OPCML: variants seen among roughly 807,000 people sequenced by gnomAD.
OPCML encodes opioid binding protein/cell adhesion molecule like.
A neutral mutation model predicts 37.8 loss-of-function variants in OPCML; 13 were observed. That is an observed-to-expected ratio of 0.34 (90% CI 0.22 to 0.55). OPCML has a LOEUF of 0.55. OPCML is among the 20% of genes least tolerant of loss of function. The pLI is 0.91. For missense variants in OPCML, 341 were observed against 435.6 expected (o/e 0.78, Z 1.93); for synonymous variants, 176 against 168.8 (o/e 1.04, Z -0.33).
intron 1 of OPCML, among the ~76,000 whole-genome samples, chr11:133,233,948 T>G (rs1285185810): frequency 2.0e-5 from 3 of 151,840 alleles, no homozygotes; most frequent in Admixed American, 1.3e-4. Flanking sequence ...AGCTCCAGAG[T>G]AACACCAGGC....
intron 1 of OPCML, among the ~76,000 whole-genome samples, chr11:132,950,907 C>G (rs1440964406): frequency 2.6e-5 from 4 of 152,158 alleles, no homozygotes; most frequent in African/African-American, 9.7e-5. Flanking sequence ...TTTAAGAAAA[C>G]AGGAAAACGC....
chr11:133,418,729 T>G (rs1398817007), intron 1 of OPCML, among the ~76,000 whole-genome samples: 1 of 152,192 alleles, frequency 6.6e-6, no homozygotes, highest in Non-Finnish European at 1.5e-5. Context: ...TTTAGAGTTA[T>G]GAGAGGGGCA....
At chr11:132,654,324 G>A (rs751924714) in intron 3 of OPCML, among the ~76,000 whole-genome samples, 28 of 151,868 alleles carry the variant, frequency 1.8e-4, no homozygotes, top group Non-Finnish European at 3.1e-4. Context: ...ATGTCCTCCC[G>A]AAGAGAAGAT....
intron 2 of OPCML, among the ~76,000 whole-genome samples, chr11:132,808,452 A>G (rs922318688): frequency 2.0e-5 from 3 of 152,232 alleles, no homozygotes; most frequent in African/African-American, 7.2e-5. Flanking sequence ...CTAAAATGTT[A>G]AAAGCACAGT....
intron 2 of OPCML, among the ~76,000 whole-genome samples, chr11:132,898,967 G>A (rs906100554): frequency 6.6e-6 from 1 of 151,972 alleles, no homozygotes; most frequent in Admixed American, 6.6e-5. Context: ...CTGGATGTAA[G>A]GAAGACTATG....
chr11:133,175,434 A>AC (rs940127838), intron 1 of OPCML, among the ~76,000 whole-genome samples: 1 of 151,138 alleles, frequency 6.6e-6, no homozygotes, highest in African/African-American at 2.4e-5. Flanking sequence ...AGATGTTTAT[A>AC]CCTTACTTAC....
chr11:132,457,764 T>G (rs1357026124), intron 4 of OPCML, among the ~76,000 whole-genome samples: 1 of 152,220 alleles, frequency 6.6e-6, no homozygotes, highest in Non-Finnish European at 1.5e-5. Flanking sequence ...CTGCCTGGTG[T>G]ACGGTCTGCT....
At chr11:132,941,153 G>A (rs950618216) in intron 2 of OPCML, among the ~76,000 whole-genome samples, 2 of 152,012 alleles carry the variant, frequency 1.3e-5, no homozygotes, top group Non-Finnish European at 2.9e-5. Flanking sequence ...CCATTCCCAA[G>A]CCCAGCTGCT....
At chr11:132,615,933 G>A (rs563793003) in intron 3 of OPCML, among the ~76,000 whole-genome samples, 1 of 152,284 alleles carries the variant, frequency 6.6e-6, no homozygotes, top group East Asian at 1.9e-4. Flanking sequence ...CCACAATTGC[G>A]AGATGCATAA....
chr11:132,707,048 C>T (rs1413205140), intron 2 of OPCML, among the ~76,000 whole-genome samples: 1 of 152,156 alleles, frequency 6.6e-6, no homozygotes, highest in Non-Finnish European at 1.5e-5. Context: ...TCATTTTTAA[C>T]CTTACTGTAT....
chr11:132,704,843 G>A (rs1591489670), intron 2 of OPCML, among the ~76,000 whole-genome samples: 1 of 152,138 alleles, frequency 6.6e-6, no homozygotes, highest in Admixed American at 6.5e-5. Flanking sequence ...GCTTTTTATT[G>A]GCTTTAAGCC....
chr11:132,902,123 T>C (rs1213344804), intron 2 of OPCML, among the ~76,000 whole-genome samples: 3 of 152,204 alleles, frequency 2.0e-5, no homozygotes, highest in Non-Finnish European at 4.4e-5. Context: ...TCAGAGGAAA[T>C]GGTCAATAAA....
intron 1 of OPCML, among the ~76,000 whole-genome samples, chr11:133,012,867 T>C (rs56019025): frequency 0.38 from 48,749 of 129,674 alleles, 8,817 homozygotes; most frequent in South Asian, 0.5. Context: ...TGAAACTCCA[T>C]CTCAAAAAAA....
intron 1 of OPCML, among the ~76,000 whole-genome samples, chr11:133,052,124 CA>C (rs958224047): frequency 2.0e-5 from 3 of 152,064 alleles, no homozygotes; most frequent in Non-Finnish European, 2.9e-5. Context: ...TAAAATACAC[CA>C]AAAACACTGT....
chr11:132,833,820 C>T (rs1018742652), intron 2 of OPCML, among the ~76,000 whole-genome samples: 3 of 152,120 alleles, frequency 2.0e-5, no homozygotes, highest in Non-Finnish European at 2.9e-5. Context: ...AACATCGTTA[C>T]GCAGCACTGT....
intron 1 of OPCML, among the ~76,000 whole-genome samples, chr11:133,049,019 A>C (rs977380002): frequency 2.0e-5 from 3 of 152,240 alleles, no homozygotes; most frequent in African/African-American, 7.2e-5. Context: ...TTATACAAAA[A>C]TATTTACCAA....
At chr11:132,426,285 G>A (rs978435625) in intron 7 of OPCML, among the ~76,000 whole-genome samples, 1 of 152,140 alleles carries the variant, frequency 6.6e-6, no homozygotes, top group African/African-American at 2.4e-5. Flanking sequence ...TGGACATTAT[G>A]GCCAGAGCAG....
intron 4 of OPCML, among the ~76,000 whole-genome samples, chr11:132,504,212 C>T (rs1050946662): frequency 3.9e-5 from 6 of 152,092 alleles, no homozygotes; most frequent in Non-Finnish European, 7.4e-5. Context: ...CATGGCATGC[C>T]TTATCTTTAT....
intron 2 of OPCML, among the ~76,000 whole-genome samples, chr11:132,703,909 G>A (rs1357373791): frequency 6.6e-6 from 1 of 152,216 alleles, no homozygotes; most frequent in East Asian, 1.9e-4. Context: ...GATGGGCCTT[G>A]TTCTGATTCT....
Sources: allele counts gnomAD v4.1 joint callset (sites outside exome capture counted in the v4.1 genomes callset), GRCh38; gene constraint gnomAD v4.1.1; transcripts MANE v1.5; gene names NCBI Gene and HGNC (gene_info 2026-07-23, HGNC 2026-07-21).